The following ZNF215 variants were observed in gnomAD, a reference collection of about 807,000 sequenced individuals.
ZNF215 encodes zinc finger protein 215.
A neutral mutation model predicts 27.2 loss-of-function variants in ZNF215; 24 were observed. The observed-to-expected ratio is 0.88, with a 90% confidence interval of 0.64 to 1.24. The LOEUF is 1.24. Ranked by LOEUF, ZNF215 falls within the 50% of genes most tolerant of loss-of-function variation. The pLI is 0.00. For synonymous variants in ZNF215, 210 were observed against 204.0 expected (o/e 1.03, Z -0.25); for missense variants, 675 against 605.7 (o/e 1.11, Z -1.20).
intron 3 of ZNF215, among the ~76,000 whole-genome samples, chr11:6,933,027 C>G (rs1022916002): frequency 3.9e-5 from 6 of 152,206 alleles, no homozygotes; most frequent in African/African-American, 1.4e-4. Flanking sequence ...GTGCTATGAC[C>G]AGAGTTGGTA....
intron 6 of ZNF215, among the ~76,000 whole-genome samples, chr11:6,950,130 C>T (rs1445108214): frequency 6.6e-6 from 1 of 151,382 alleles, no homozygotes; most frequent in Non-Finnish European, 1.5e-5. Flanking sequence ...GTTTTGGTTA[C>T]TGTAGCCTTG....
In ZNF215 at chr11:6,931,321, G is replaced by C. The variant is rs181559770; in HGVS notation, c.-179-773G>C. ...CCTGGGGGAATTCTTTTGAGTCAGA[G>C]TGTTTCCTACACCACGTTTATGGGT... On this transcript the variant is annotated intron_variant, in intron 2 of 6. Transcript: ENST00000278319. Among the ~76,000 whole-genome samples, 13 of 152,340 alleles carry C rather than the reference G, an allele frequency of 8.5e-5. No homozygotes were observed. The East Asian group carries it at 2.5e-3, about 29-fold the overall frequency.
intron 6 of ZNF215, among the ~76,000 whole-genome samples, chr11:6,947,480 G>A (rs940557089): frequency 1.3e-5 from 2 of 152,026 alleles, no homozygotes; most frequent in African/African-American, 4.8e-5. Context: ...GTTGGAGGCC[G>A]CAGTGAGCTA....
chr11:6,930,457 C>T (rs973313832), intron 2 of ZNF215, among the ~76,000 whole-genome samples: 4 of 152,226 alleles, frequency 2.6e-5, no homozygotes, highest in African/African-American at 9.7e-5. Flanking sequence ...ATTCTAGTCT[C>T]CTTCCCTTGG....
chr11:6,947,053 T>C (rs1325308835), intron 6 of ZNF215, among the ~76,000 whole-genome samples: 1 of 152,322 alleles, frequency 6.6e-6, no homozygotes, highest in East Asian at 1.9e-4. Context: ...CTTTTATTCA[T>C]GGTGTCTGCC....
chr11:6,972,846 G>A lies in ZNF215; in HGVS notation c.806-11283G>A, dbSNP rs1590084027. Among the ~76,000 whole-genome samples, 3 of 152,238 alleles carry A rather than the reference G, an allele frequency of 2.0e-5. No individual in the cohort carries two copies. The East Asian group carries it at 5.8e-4, about 29-fold the overall frequency. On this transcript the variant is annotated intron_variant, in intron 5 of 5. Coordinates refer to the ZNF215 transcript ENST00000529903. The stretch of plus-strand genomic sequence containing the variant: ...AGAGACTAGAAAGAGCTGATCTGTC[G>A]AGAAATTCAGACTGTGCATTTCCAA...
chr11:6,932,269 G>A lies in ZNF215; in HGVS notation c.-4G>A. 6.2e-7 allele frequency: 1 copy of A among 1,611,984 alleles called. No individual in the cohort carries two copies. Among genetic ancestry groups the A allele is most frequent in the Non-Finnish European group, 8.5e-7 (1 of 1,179,060 alleles). ...GAACTACTGTGGGAGTTCTATTTAG[G>A]AAGATGCAGCCTCTGAGCAAGTTGA... On this transcript the variant is annotated 5_prime_UTR_variant, in exon 3 of 7. Coordinates refer to ENST00000278319, the MANE Select transcript of ZNF215 (RefSeq NM_013250.4).
At chr11:6,949,694 C>G (rs1188197628) in intron 6 of ZNF215, among the ~76,000 whole-genome samples, 5 of 152,154 alleles carry the variant, frequency 3.3e-5, no homozygotes, top group South Asian at 2.1e-4. Flanking sequence ...CCTGTTCACT[C>G]TGATGGTAGT....
chr11:6,991,483 G>GC (rs1188519133), downstream of ZNF215, among the ~76,000 whole-genome samples: 2 of 152,156 alleles, frequency 1.3e-5, no homozygotes, highest in African/African-American at 2.4e-5. Context: ...CTACCCTAGA[G>GC]CCCCCTCAGG....
At position 6,941,694 on chromosome 11, in the gene ZNF215, T is replaced by C. The variant is rs753060886; in HGVS notation, c.483+41T>C. 3.1e-5 allele frequency: 49 copies of C among 1,596,002 alleles called. No individual in the cohort carries two copies. In the East Asian group the frequency reaches 9.9e-4, roughly 32 times the overall value. On this transcript the variant is annotated intron_variant, in intron 4 of 6. Transcript: ENST00000278319. ...AGTCTTTACTGAACACATATGCTCA[T>C]TTTTAGTATTACCTGCTTTCAATTT...
intron 6 of ZNF215, among the ~76,000 whole-genome samples, chr11:6,949,093 G>A (rs1292298052): frequency 6.6e-6 from 1 of 150,508 alleles, no homozygotes. Flanking sequence ...ATTTTTTATG[G>A]CTGCATAGTA....
At chr11:6,927,511 T>C (rs1849096780) in intron 1 of ZNF215, among the ~76,000 whole-genome samples, 151 bp from the exon 2 acceptor site, 1 of 152,200 alleles carries the variant, frequency 6.6e-6, no homozygotes, top group Admixed American at 6.5e-5. Context: ...CACCTGGTTA[T>C]ATTAGTCTAA....
downstream of ZNF215, among the ~76,000 whole-genome samples, chr11:6,989,337 A>G (rs149051141): frequency 1.3e-5 from 2 of 152,228 alleles, no homozygotes; most frequent in African/African-American, 4.8e-5. Context: ...ATGCCTTCCT[A>G]TAAAAGAAGT....
chr11:6,978,529 C>T (rs1850880317), intron 5 of ZNF215, among the ~76,000 whole-genome samples: 2 of 152,008 alleles, frequency 1.3e-5, no homozygotes, highest in African/African-American at 4.8e-5. Flanking sequence ...AGACAGCATA[C>T]TGATGTCTCT....
downstream of ZNF215, among the ~76,000 whole-genome samples, chr11:6,993,607 A>G (rs1851143223): frequency 6.6e-6 from 1 of 152,082 alleles, no homozygotes; most frequent in Non-Finnish European, 1.5e-5. Flanking sequence ...TCACATTTTT[A>G]TGACTATGCC....
chr11:6,952,727 C>A (rs1000815548), intron 6 of ZNF215, among the ~76,000 whole-genome samples: 1 of 152,092 alleles, frequency 6.6e-6, no homozygotes, highest in Non-Finnish European at 1.5e-5. Flanking sequence ...GCATTTAGTC[C>A]ATTTACATGT....
At chr11:6,954,757 G>C (rs996703108) in intron 6 of ZNF215, among the ~76,000 whole-genome samples, 9 of 152,196 alleles carry the variant, frequency 5.9e-5, no homozygotes, top group Non-Finnish European at 1.0e-4. Context: ...TGCGCCCACT[G>C]TCTGGCACTC....
chr11:6,946,652 T>C (rs1849824821), intron 6 of ZNF215, among the ~76,000 whole-genome samples: 1 of 152,196 alleles, frequency 6.6e-6, no homozygotes, highest in South Asian at 2.1e-4. Context: ...CTTAAGGAAG[T>C]CTTTCCTAAC....
chr11:6,941,537 T>G, intron 3 of ZNF215, 34 bp from the exon 4 acceptor site: 1 of 1,599,686 alleles, frequency 6.3e-7, no homozygotes, highest in Non-Finnish European at 8.5e-7. Flanking sequence ...AGGGCAAAAC[T>G]TGTCTCCCTA....
Sources: gnomAD v4.1 joint callset for allele counts (sites outside exome capture counted in the v4.1 genomes callset) on GRCh38, gnomAD v4.1.1 for gene constraint, MANE v1.5 for transcripts, NCBI Gene and HGNC (gene_info 2026-07-23, HGNC 2026-07-21) for gene names.